The following LINS1 variants were observed in gnomAD, a reference collection of about 807,000 sequenced individuals.
LINS1 encodes the protein lines homolog 1.
In LINS1, 27 loss-of-function variants were observed where a neutral mutation model predicts 41.6. The observed-to-expected ratio is 0.65, with a 90% CI of 0.48 to 0.89. The LOEUF is 0.89. LINS1 is among the 40% of genes least tolerant of loss of function. The pLI is 0.00. For synonymous variants in LINS1, 336 were observed against 312.9 expected, an observed-to-expected ratio of 1.07 and a Z score of -0.78; for missense variants, 955 against 884.1, an observed-to-expected ratio of 1.08 and a Z score of -1.02.
At chr15:100,570,369 C>A (rs1198257251) in intron 6 of LINS1, 1 of 381,002 alleles carries the variant, frequency 2.6e-6, no homozygotes, top group Non-Finnish European at 4.8e-6. Context: ...ACCTGTTGTT[C>A]TTTCTCTCGA....
At chr15:100,577,884 T>C (rs1273062533) in intron 3 of LINS1, among the ~76,000 whole-genome samples, 1 of 152,110 alleles carries the variant, frequency 6.6e-6, no homozygotes, top group Non-Finnish European at 1.5e-5. Flanking sequence ...TCTACAACCA[T>C]CTGATCTTTG....
In LINS1 at chr15:100,568,277, C is replaced by T. The variant is rs1304819912; in HGVS notation, c.*961G>A. The T allele has an allele frequency of 6.6e-6, 1 of 152,188 alleles. No homozygotes were observed. The allele number at this position is 152,188 out of a possible 1,614,324, so 9.4% of individuals were successfully genotyped here. A position where few individuals can be genotyped will look rare whatever the true frequency, so the allele number is the denominator to read the frequency against. On this transcript the variant is annotated 3_prime_UTR_variant, in exon 7 of 7. Transcript: ENST00000314742. ...TAAATACCCCAGAAGGAAATAGTAACTGTATTTGGTTAGTGACTCTCCTGG... is the reference window on the plus strand; with the variant it reads ...TAAATACCCCAGAAGGAAATAGTAATTGTATTTGGTTAGTGACTCTCCTGG...
chr15:100,597,765 G>A (rs532830238), intron 1 of LINS1, among the ~76,000 whole-genome samples: 1 of 152,346 alleles, frequency 6.6e-6, no homozygotes, highest in South Asian at 2.1e-4. Context: ...ACCAGTGGCA[G>A]GGTAGCGTTG....
In LINS1 at chr15:100,569,122, CAAAAAAAAAAAAA is replaced by C. The variant is rs56225071; in HGVS notation, c.*103_*115del. The C allele has an allele frequency of 2.5e-5, 12 of 477,422 alleles. No homozygotes were observed. Among genetic ancestry groups the C allele is most frequent in the Non-Finnish European group, 4.2e-5 (12 of 285,194 alleles). The allele number at this position is 477,422 out of a possible 1,614,324, so 29.6% of individuals were successfully genotyped here. On this transcript the variant is annotated 3_prime_UTR_variant, in exon 7 of 7. Coordinates refer to ENST00000314742, the MANE Select transcript of LINS1 (RefSeq NM_001040616.3). The stretch of plus-strand genomic sequence containing the variant: ...TGAGCGACAGAATGAGATTCTGTCT[CAAAAAAAAAAAAA>C]AAAAAGAAAACCCTTTTATGGTGAT...
intron 1 of LINS1, among the ~76,000 whole-genome samples, chr15:100,587,927 A>G (rs567636770): frequency 6.6e-5 from 10 of 152,352 alleles, no homozygotes; most frequent in Admixed American, 4.6e-4. Flanking sequence ...GACTAGGGTC[A>G]CCAGGGCTGG....
intron 1 of LINS1, among the ~76,000 whole-genome samples, chr15:100,588,307 G>C (rs2038897799): frequency 6.6e-6 from 1 of 152,186 alleles, no homozygotes. Flanking sequence ...CACAATGGTG[G>C]CCTGGGTTTA....
At chr15:100,599,049 T>C (rs555648153) in intron 1 of LINS1, among the ~76,000 whole-genome samples, 2 of 152,290 alleles carry the variant, frequency 1.3e-5, no homozygotes, top group South Asian at 4.1e-4. Flanking sequence ...GCTGGGGCAT[T>C]TTTCCAATGA....
At chr15:100,574,279 C>T (rs1223098888) in intron 4 of LINS1, 38 bp from the exon 5 acceptor site, 1 of 838,570 alleles carries the variant, frequency 1.2e-6, no homozygotes, top group East Asian at 2.5e-5. Context: ...ACAGGAAAAA[C>T]AGTCTTCTTC....
chr15:100,593,351 A>G (rs116978203), intron 1 of LINS1, among the ~76,000 whole-genome samples: 2,373 of 152,304 alleles, frequency 0.016, 36 homozygotes, highest in Non-Finnish European at 0.022. Context: ...TATAAAATCT[A>G]TCTGAAGCCT....
chr15:100,596,310 T>TGG (rs1295242771), intron 1 of LINS1, among the ~76,000 whole-genome samples: 2 of 152,194 alleles, frequency 1.3e-5, no homozygotes, highest in African/African-American at 4.8e-5. Flanking sequence ...AAGATAGTTC[T>TGG]GGGGTGGGGC....
chr15:100,568,277 C>G lies in LINS1; in HGVS notation c.*961G>C, dbSNP rs1304819912. Reference sequence around the variant, plus strand: ...TAAATACCCCAGAAGGAAATAGTAACTGTATTTGGTTAGTGACTCTCCTGG... The same window carrying G: ...TAAATACCCCAGAAGGAAATAGTAAGTGTATTTGGTTAGTGACTCTCCTGG... On this transcript the variant is annotated 3_prime_UTR_variant, in exon 7 of 7. Coordinates refer to ENST00000314742, the MANE Select transcript of LINS1 (RefSeq NM_001040616.3). 1 of 152,070 alleles carries G rather than the reference C, an allele frequency of 6.6e-6. No individual in the cohort carries two copies. Among genetic ancestry groups the G allele is most frequent in the African/African-American group, 2.4e-5 (1 of 41,398 alleles). 9.4% of individuals were successfully genotyped at this position (152,070 alleles called of 1,614,324 possible).
chr15:100,593,247 A>G (rs565056104), intron 1 of LINS1, among the ~76,000 whole-genome samples: 3 of 152,302 alleles, frequency 2.0e-5, no homozygotes, highest in African/African-American at 4.8e-5. Flanking sequence ...CAGTCTTACT[A>G]GGTAAGTGAA....
intron 1 of LINS1, among the ~76,000 whole-genome samples, chr15:100,587,172 A>C (rs1345923222): frequency 1.3e-5 from 2 of 149,738 alleles, no homozygotes; most frequent in African/African-American, 4.9e-5. Context: ...AAAAAAAAAA[A>C]AAAAAAAAAA....
chr15:100,576,771 C>A (rs1282368334), intron 3 of LINS1: 1 of 152,202 alleles, frequency 6.6e-6, no homozygotes, highest in Non-Finnish European at 1.5e-5. Flanking sequence ...TGAGAAAATC[C>A]TCAGTAAAAT....
intron 3 of LINS1, among the ~76,000 whole-genome samples, chr15:100,575,517 C>A (rs1002843968): frequency 3.3e-5 from 5 of 152,152 alleles, no homozygotes; most frequent in African/African-American, 1.2e-4. Context: ...CACCCAGATT[C>A]ATAAAGCAAC....
At chr15:100,572,802 T>A in intron 5 of LINS1, 2 of 943,748 alleles carry the variant, frequency 2.1e-6, no homozygotes, top group Non-Finnish European at 2.5e-6. Flanking sequence ...GGAAATTATA[T>A]ATGTAACAAT....
In LINS1 at chr15:100,573,880, C is replaced by T. The variant is rs767030288; in HGVS notation, c.993G>A (p.Ala331=). 108 of 1,614,206 alleles carry T rather than the reference C, an allele frequency of 6.7e-5. No homozygotes were observed. The East Asian group carries it at 1.4e-3, about 22-fold the overall frequency. The stretch of plus-strand genomic sequence containing the variant: ...CATTAGCTAAAGCCAGCATGTCCAC[C>T]GCTACATGATGGTCTGGCGGCATTA... ...PALMPPDHHV[A]VDMLALANAV... is the part of the protein sequence containing the mutation. The change falls in exon 5 of 7, where the codon GCG becomes GCA. Residue 331 remains alanine, a synonymous_variant. Coordinates refer to ENST00000314742, the MANE Select transcript of LINS1 (RefSeq NM_001040616.3).
intron 3 of LINS1, among the ~76,000 whole-genome samples, chr15:100,577,114 C>T (rs1412622684): frequency 6.6e-6 from 1 of 152,200 alleles, no homozygotes; most frequent in Admixed American, 6.5e-5. Flanking sequence ...TGAAAACTGG[C>T]ACAAGACAGG....
intron 1 of LINS1, among the ~76,000 whole-genome samples, chr15:100,593,841 G>A (rs1444130036): frequency 6.6e-6 from 1 of 152,170 alleles, no homozygotes; most frequent in African/African-American, 2.4e-5. Context: ...ATTTTCACAT[G>A]CTACGCGAGA....
Sources: gnomAD v4.1 joint callset for allele counts (sites outside exome capture counted in the v4.1 genomes callset) on GRCh38, gnomAD v4.1.1 for gene constraint, MANE v1.5 for transcripts, NCBI Gene and HGNC (gene_info 2026-07-23, HGNC 2026-07-21) for gene names.